Variants in EPHA5 observed in about 807,000 individuals in gnomAD.
EPHA5 encodes the protein ephrin type-A receptor 5.
EPHA5 carries 60 observed loss-of-function variants against 105.0 expected under a neutral mutation model. That is an observed-to-expected ratio of 0.57 (90% CI 0.46 to 0.71). The LOEUF is 0.71. Ranked by LOEUF, EPHA5 falls within the 30% of genes least tolerant of loss-of-function variation. The probability of loss-of-function intolerance (pLI) is 0.00; values close to 1 mark genes in which losing one functional copy is unlikely to be tolerated. For synonymous variants in EPHA5, 513 were observed against 449.1 expected (o/e 1.14, Z -1.80); for missense variants, 1,218 against 1,274.7 (o/e 0.96, Z 0.68).
chr4:65,601,995 G>C lies in EPHA5; in HGVS notation c.556C>G (p.Leu186Val), dbSNP rs777341649. Residue 186 changes from leucine to valine, a missense_variant, in exon 3 of 17, where the codon CTT becomes GTT. Around this residue, in one of 3 missense-constraint regions of EPHA5, gnomAD observed 14 missense variants for 33.7 expected, o/e 0.42. Coordinates refer to ENST00000613740, the MANE Select transcript of EPHA5 (RefSeq NM_001281766.3). ...TIAADESFTE[L>V]DLGDRVMKLN... ...TTCATAACACGGTCACCAAGATCAA[G>C]TTCTGTAAAGCTTTCATCGGCAGCA... 6.2e-7 allele frequency: 1 copy of C among 1,614,168 alleles called. No homozygotes were observed. Among genetic ancestry groups the C allele is most frequent in the Non-Finnish European group, 8.5e-7 (1 of 1,180,012 alleles).
At chr4:65,453,579 C>A (rs1037311473) in intron 5 of EPHA5, among the ~76,000 whole-genome samples, 8 of 152,136 alleles carry the variant, frequency 5.3e-5, no homozygotes, top group African/African-American at 1.9e-4. Flanking sequence ...TAGCAGAGTT[C>A]ATCTGGTATA....
intron 5 of EPHA5, 30 bp from the exon 6 acceptor site, chr4:65,420,595 T>G (rs1172038548): frequency 1.2e-5 from 20 of 1,605,954 alleles, no homozygotes; most frequent in Non-Finnish European, 1.7e-5. Context: ...AGGAGCAGTA[T>G]GATTAATAAG....
chr4:65,465,540 AGGAAG>A (rs768394757), intron 5 of EPHA5, among the ~76,000 whole-genome samples: 6,938 of 68,624 alleles, frequency 0.1, 205 homozygotes, highest in Middle Eastern at 0.16. Flanking sequence ...AAGAAAGGAA[AGGAAG>A]GAAAGGAAGG....
intron 5 of EPHA5, among the ~76,000 whole-genome samples, chr4:65,451,172 G>C (rs1459609155): frequency 6.6e-6 from 1 of 151,996 alleles, no homozygotes; most frequent in Non-Finnish European, 1.5e-5. Flanking sequence ...CTTTCTGTGA[G>C]ATATCTTGCA....
chr4:65,504,221 T>A (rs1000852011), intron 3 of EPHA5, among the ~76,000 whole-genome samples: 1 of 151,340 alleles, frequency 6.6e-6, no homozygotes, highest in East Asian at 1.9e-4. Context: ...TATTACCTCA[T>A]TTAGTATTCC....
chr4:65,499,837 T>G (rs974577659), intron 3 of EPHA5, among the ~76,000 whole-genome samples: 2 of 151,316 alleles, frequency 1.3e-5, no homozygotes, highest in Non-Finnish European at 3.0e-5. Flanking sequence ...ATCTTTTTTT[T>G]TTTTTGAAAA....
At chr4:65,370,042 T>G (rs1718303609) in intron 8 of EPHA5, among the ~76,000 whole-genome samples, 1 of 152,132 alleles carries the variant, frequency 6.6e-6, no homozygotes, top group African/African-American at 2.4e-5. Flanking sequence ...GTAACACTAG[T>G]AAATTTTCAG....
chr4:65,443,932 TGCACGTGTG>T, intron 5 of EPHA5, among the ~76,000 whole-genome samples: 1 of 151,726 alleles, frequency 6.6e-6, no homozygotes, highest in East Asian at 1.9e-4. Context: ...TGTGTGTGCG[TGCACGTGTG>T]CACGCGCACA....
intron 3 of EPHA5, among the ~76,000 whole-genome samples, chr4:65,526,863 A>G (rs537023900): frequency 5.9e-5 from 9 of 152,138 alleles, no homozygotes; most frequent in Non-Finnish European, 1.0e-4. Flanking sequence ...TTTATTTTCA[A>G]TAAAAGGCAA....
intron 11 of EPHA5, among the ~76,000 whole-genome samples, chr4:65,357,512 CT>C (rs1723417382): frequency 6.6e-6 from 1 of 151,196 alleles, no homozygotes; most frequent in African/African-American, 2.4e-5. Flanking sequence ...AGGAATTTAC[CT>C]TTTCTCAATA....
At position 65,322,497 on chromosome 4, in the gene EPHA5, A is replaced by G. The variant is rs959052012; in HGVS notation, c.*1617T>C. 1 of 225,738 alleles carries G rather than the reference A, an allele frequency of 4.4e-6. No individual in the cohort carries two copies. The highest frequency in any genetic ancestry group is 2.2e-5 in the African/African-American group (1 of 44,996). The allele number at this position is 225,738 out of a possible 1,614,324, so 14.0% of individuals were successfully genotyped here. A position where few individuals can be genotyped will look rare whatever the true frequency, so the allele number is the denominator to read the frequency against. ...TTAAATGCTCTGATTTTGACTAATC[A>G]CATGACATTCCATAATTTTTATAAA... is the stretch of plus-strand genomic sequence containing the variant. On this transcript the variant is annotated 3_prime_UTR_variant, in exon 17 of 17. Coordinates refer to ENST00000613740, the MANE Select transcript of EPHA5 (RefSeq NM_001281766.3).
At chr4:65,616,207 A>G (rs1044215072) in intron 2 of EPHA5, among the ~76,000 whole-genome samples, 7 of 151,962 alleles carry the variant, frequency 4.6e-5, no homozygotes, top group Non-Finnish European at 8.8e-5. Flanking sequence ...TTTATGACTC[A>G]ATTTTTATAA....
intron 5 of EPHA5, among the ~76,000 whole-genome samples, chr4:65,475,931 T>C (rs999021499): frequency 6.6e-6 from 1 of 152,062 alleles, no homozygotes; most frequent in Non-Finnish European, 1.5e-5. Flanking sequence ...AAATAGACTA[T>C]CAGCAGGTAT....
chr4:65,522,168 T>A (rs1734796404), intron 3 of EPHA5, among the ~76,000 whole-genome samples: 1 of 151,888 alleles, frequency 6.6e-6, no homozygotes, highest in South Asian at 2.1e-4. Context: ...GTATTTTGTA[T>A]CTTTCAAGGA....
chr4:65,333,695 A>G (rs1720907134), intron 15 of EPHA5, among the ~76,000 whole-genome samples: 2 of 147,112 alleles, frequency 1.4e-5, no homozygotes, highest in South Asian at 2.2e-4. Flanking sequence ...TTAGGCTATA[A>G]CTCCACTATA....
intron 5 of EPHA5, among the ~76,000 whole-genome samples, chr4:65,458,339 A>G (rs898664302): frequency 1.3e-5 from 2 of 152,108 alleles, no homozygotes; most frequent in Non-Finnish European, 2.9e-5. Context: ...ACCTTTCCAA[A>G]CATATCATCC....
chr4:65,618,145 C>T (rs4475196), intron 2 of EPHA5, among the ~76,000 whole-genome samples: 3,033 of 152,236 alleles, frequency 0.02, 106 homozygotes, highest in African/African-American at 0.07. Context: ...TTGTCTTCCA[C>T]TTACCACCAG....
chr4:65,632,330 A>G (rs1046602570), intron 2 of EPHA5, among the ~76,000 whole-genome samples: 1 of 152,016 alleles, frequency 6.6e-6, no homozygotes, highest in Non-Finnish European at 1.5e-5. Context: ...TCACAACTCT[A>G]GGAGACATCA....
In EPHA5 at chr4:65,572,726, T is replaced by C. The variant is rs140259912; in HGVS notation, c.910+28915A>G. 6.9e-3 allele frequency among the ~76,000 whole-genome samples: 1,044 copies of C among 152,340 alleles called. 9 individuals are homozygous for C. The highest frequency in any genetic ancestry group is 0.017 in the Middle Eastern group (5 of 294). The stretch of plus-strand genomic sequence containing the variant: ...GAGCATGTCCTTTACTCATTTATTA[T>C]TTGTGTAATAATAATTATCACAAGC... On this transcript the variant is annotated intron_variant, in intron 3 of 16. Transcript: ENST00000613740.
Sources: gnomAD v4.1 joint callset for allele counts (sites outside exome capture counted in the v4.1 genomes callset) on GRCh38, gnomAD v4.1.1 for gene constraint, gnomAD v4.1.1 regional missense constraint, MANE v1.5 for transcripts, NCBI Gene and HGNC (gene_info 2026-07-23, HGNC 2026-07-21) for gene names.